The following SCRG1 variants were observed in gnomAD, a reference collection of about 807,000 sequenced individuals.
SCRG1 encodes stimulator of chondrogenesis 1.
Under a neutral mutation model 7.7 loss-of-function variants are expected in SCRG1, and 3 were observed. The ratio of observed to expected loss-of-function variants is 0.39; its 90% CI spans 0.18 to 1.01. SCRG1 has a LOEUF of 1.01. SCRG1 is among the 50% of genes least tolerant of loss of function. SCRG1 has a pLI of 0.36. For missense variants in SCRG1, 110 were observed against 117.2 expected, an observed-to-expected ratio of 0.94 and a Z score of 0.28; for synonymous variants, 46 against 41.2, an observed-to-expected ratio of 1.12 and a Z score of -0.44.
At chr4:173,474,673 A>T in the SCRG1 span, among the ~76,000 whole-genome samples, 1 of 152,226 alleles carries the variant, frequency 6.6e-6, no homozygotes, top group Non-Finnish European at 1.5e-5. Context: ...AGACTAGGCA[A>T]GTCATAGTCA....
At chr4:173,453,505 T>C in the SCRG1 span, among the ~76,000 whole-genome samples, 1 of 152,210 alleles carries the variant, frequency 6.6e-6, no homozygotes, top group Non-Finnish European at 1.5e-5. Context: ...CTAGGCTATA[T>C]GGTATAGCCT....
At chr4:173,512,604 T>C in the SCRG1 span, among the ~76,000 whole-genome samples, 8 of 152,162 alleles carry the variant, frequency 5.3e-5, no homozygotes, top group African/African-American at 1.9e-4. Context: ...TGATTCAACT[T>C]AACTGCAATT....
chr4:173,489,850 A>C, the SCRG1 span, among the ~76,000 whole-genome samples: 1 of 152,234 alleles, frequency 6.6e-6, no homozygotes, highest in South Asian at 2.1e-4. Flanking sequence ...TAAAAGGTCC[A>C]AGGAATTTTG....
the SCRG1 span, among the ~76,000 whole-genome samples, chr4:173,499,703 C>T: frequency 1.3e-5 from 2 of 152,188 alleles, no homozygotes; most frequent in Admixed American, 1.3e-4. The surrounding 1 kb of genome is among the most constrained non-coding windows in gnomAD (Gnocchi z 4.1). Flanking sequence ...CTTGAAAAGC[C>T]TCATTGATGG....
the SCRG1 span, among the ~76,000 whole-genome samples, chr4:173,500,958 C>G: frequency 2.6e-5 from 4 of 152,254 alleles, no homozygotes; most frequent in African/African-American, 9.6e-5. Flanking sequence ...GAACTGCGCT[C>G]TCCTTCCGGG....
chr4:173,516,390 G>A, the SCRG1 span, among the ~76,000 whole-genome samples: 1 of 152,208 alleles, frequency 6.6e-6, no homozygotes, highest in African/African-American at 2.4e-5. Flanking sequence ...GGCATCTGCA[G>A]GCGGCCGAGA....
the SCRG1 span, among the ~76,000 whole-genome samples, chr4:173,437,351 A>G: frequency 6.6e-6 from 1 of 152,242 alleles, no homozygotes; most frequent in African/African-American, 2.4e-5. Context: ...GCTGAATAGC[A>G]TATTTAATAA....
At chr4:173,435,113 T>TA in the SCRG1 span, among the ~76,000 whole-genome samples, 9 of 47,226 alleles carry the variant, frequency 1.9e-4, no homozygotes, top group Middle Eastern at 0.015. Flanking sequence ...AATGCATATA[T>TA]ATCTATGTGT....
the SCRG1 span, among the ~76,000 whole-genome samples, chr4:173,414,373 G>C: frequency 6.6e-6 from 1 of 152,204 alleles, no homozygotes; most frequent in Non-Finnish European, 1.5e-5. Context: ...TCATAGCCCT[G>C]AACCTTAGGA....
chr4:173,390,821 G>A (rs902474927), intron 2 of SCRG1, among the ~76,000 whole-genome samples: 7 of 151,962 alleles, frequency 4.6e-5, no homozygotes, highest in African/African-American at 1.7e-4. Flanking sequence ...ACCTTTTACT[G>A]GTTTTCAAGT....
chr4:173,484,727 G>GCATATAATACATATTATATATTATATT, the SCRG1 span, among the ~76,000 whole-genome samples: 1 of 84,174 alleles, frequency 1.2e-5, no homozygotes, highest in African/African-American at 5.8e-5. Context: ...TATATTATAT[G>GCATATAATACATATTATATATTATATT]CATATAATAC....
intron 1 of SCRG1, among the ~76,000 whole-genome samples, chr4:173,391,921 C>T (rs1276458358): frequency 6.6e-6 from 1 of 152,296 alleles, no homozygotes; most frequent in East Asian, 1.9e-4. Flanking sequence ...CACACACACA[C>T]AGTCACGCAC....
At chr4:173,432,317 C>CCCTTCCTTCCTT in the SCRG1 span, among the ~76,000 whole-genome samples, 1 of 123,370 alleles carries the variant, frequency 8.1e-6, no homozygotes, top group Non-Finnish European at 1.7e-5. Context: ...CTCCCTCCTT[C>CCCTTCCTTCCTT]CCTTCCTTCC....
the SCRG1 span, among the ~76,000 whole-genome samples, chr4:173,436,225 G>A: frequency 5.3e-5 from 8 of 152,280 alleles, no homozygotes; most frequent in Admixed American, 2.0e-4. Flanking sequence ...CCAGGCGTGT[G>A]GCTTTTCAGT....
chr4:173,483,199 T>TCA, the SCRG1 span, among the ~76,000 whole-genome samples: 48 of 73,884 alleles, frequency 6.5e-4, no homozygotes, highest in African/African-American at 2.9e-3. Flanking sequence ...ATGATATATA[T>TCA]TATATGATAT....
the SCRG1 span, among the ~76,000 whole-genome samples, chr4:173,486,295 G>C: frequency 0.025 from 3,799 of 152,206 alleles, 144 homozygotes; most frequent in African/African-American, 0.084. Flanking sequence ...ATTTATGACA[G>C]TTAGAATCTG....
the SCRG1 span, among the ~76,000 whole-genome samples, chr4:173,433,546 G>C: frequency 1.3e-5 from 2 of 152,308 alleles, no homozygotes; most frequent in South Asian, 4.1e-4. Context: ...ACTCTGAAAA[G>C]TGCATTTCGC....
the SCRG1 span, among the ~76,000 whole-genome samples, chr4:173,426,778 A>G: frequency 3.3e-5 from 5 of 152,210 alleles, no homozygotes; most frequent in East Asian, 9.7e-4. Context: ...ATCAAGAATT[A>G]TTTTCTTGCT....
chr4:173,518,191 G>A, the SCRG1 span, among the ~76,000 whole-genome samples: 5 of 152,124 alleles, frequency 3.3e-5, no homozygotes, highest in African/African-American at 2.4e-5. Context: ...GGACCGGGAG[G>A]GCAGGAATGG....
Sources: allele counts gnomAD v4.1 joint callset (sites outside exome capture counted in the v4.1 genomes callset), GRCh38; gene constraint gnomAD v4.1.1; non-coding constraint Gnocchi (gnomAD v3.1); transcripts MANE v1.5; gene names NCBI Gene and HGNC (gene_info 2026-07-23, HGNC 2026-07-21).